ZDHHC18: variants seen among roughly 807,000 people sequenced by gnomAD.
ZDHHC18 encodes the protein palmitoyltransferase ZDHHC18.
In ZDHHC18, 23 loss-of-function variants were observed where a neutral mutation model predicts 37.5. That is an observed-to-expected ratio of 0.61 (90% CI 0.44 to 0.87). The LOEUF is 0.87. Among genes scored for constraint, ZDHHC18 ranks in the 40% least tolerant of loss-of-function variants. The probability of loss-of-function intolerance (pLI) is 0.00; values close to 1 mark genes in which losing one functional copy is unlikely to be tolerated. For missense variants in ZDHHC18, 406 were observed against 525.6 expected (o/e 0.77, Z 2.22); for synonymous variants, 185 against 218.7 (o/e 0.85, Z 1.36).
At chr1:26,836,985 A>G (rs940527116) in intron 2 of ZDHHC18, among the ~76,000 whole-genome samples, 2 of 147,240 alleles carry the variant, frequency 1.4e-5, no homozygotes, top group African/African-American at 4.9e-5. Context: ...GCAGTGGCTC[A>G]TGCCTGTAAT....
rs1302767528 is a variant in ZDHHC18 at position 26,850,546 on chromosome 1, C to T, written c.785-12C>T. 1 of 1,614,204 alleles carries T rather than the reference C, an allele frequency of 6.2e-7. No homozygotes were observed. Among genetic ancestry groups the T allele is most frequent in the South Asian group, 1.1e-5 (1 of 91,082 alleles). ...CCTCTGAGCTTGTCCTCTCCTGTTT[C>T]TTTCTCCCCAGGCGCTCAGGGAAGC... On this transcript the variant is annotated splice_polypyrimidine_tract_variant and intron_variant, in intron 4 of 7. Transcript: ENST00000374142. The surrounding 1 kb of genome is among the most constrained non-coding windows in gnomAD (Gnocchi z 6.1).
intron 7 of ZDHHC18, among the ~76,000 whole-genome samples, chr1:26,853,494 G>A (rs1322726697): frequency 1.3e-5 from 2 of 152,234 alleles, no homozygotes; most frequent in African/African-American, 2.4e-5. Context: ...AGGTGGGCCA[G>A]TTGGAATTAA....
intron 2 of ZDHHC18, among the ~76,000 whole-genome samples, chr1:26,846,272 A>ATGTG (rs1233342256): frequency 4.7e-4 from 40 of 84,956 alleles, no homozygotes; most frequent in Non-Finnish European, 5.6e-4. Flanking sequence ...ATAGAGATAT[A>ATGTG]TGTGTGTGTG....
intron 2 of ZDHHC18, among the ~76,000 whole-genome samples, chr1:26,841,033 G>A (rs1465063305): frequency 6.6e-6 from 1 of 152,114 alleles, no homozygotes; most frequent in Non-Finnish European, 1.5e-5. Context: ...CTGGAGTGCA[G>A]TGGCGTGATC....
rs371606233 is a variant in ZDHHC18, at chr1:26,853,887, G to A, written c.*44G>A. 1.6e-5 allele frequency: 24 copies of A among 1,544,350 alleles called. No homozygotes were observed. The highest frequency in any genetic ancestry group is 1.7e-4 in the Middle Eastern group (1 of 5,890). On this transcript the variant is annotated 3_prime_UTR_variant, in exon 8 of 8. Coordinates refer to ENST00000374142, the MANE Select transcript of ZDHHC18 (RefSeq NM_032283.3). ...CACCTGCTGGCCTGTCTGACCCTCC[G>A]CACTCACCTGCCGGGACCCTCCCTA...
chr1:26,844,913 GTT>G (rs969579363), intron 2 of ZDHHC18, among the ~76,000 whole-genome samples: 1 of 140,028 alleles, frequency 7.1e-6, no homozygotes, highest in African/African-American at 2.6e-5. Context: ...TCTTTACATG[GTT>G]TTTTTTTTTG....
intron 2 of ZDHHC18, among the ~76,000 whole-genome samples, chr1:26,835,162 G>A (rs1191424921): frequency 6.6e-6 from 1 of 152,180 alleles, no homozygotes; most frequent in Non-Finnish European, 1.5e-5. Context: ...GATGGGAACG[G>A]GCCACTGAGC....
chr1:26,829,958 T>G (rs1385766959), intron 1 of ZDHHC18, among the ~76,000 whole-genome samples: 1 of 152,198 alleles, frequency 6.6e-6, no homozygotes, highest in Non-Finnish European at 1.5e-5. Flanking sequence ...TGAACTGGAT[T>G]CATTGCCATG....
chr1:26,839,415 A>G (rs764820941), intron 2 of ZDHHC18, among the ~76,000 whole-genome samples: 1 of 152,218 alleles, frequency 6.6e-6, no homozygotes, highest in African/African-American at 2.4e-5. Flanking sequence ...AGGCAGGCAC[A>G]GGGTGAACAA....
At chr1:26,844,030 T>C (rs931348897) in intron 2 of ZDHHC18, among the ~76,000 whole-genome samples, 2 of 152,102 alleles carry the variant, frequency 1.3e-5, no homozygotes, top group Non-Finnish European at 2.9e-5. Context: ...TTCCTCACTT[T>C]ACACAATTTG....
chr1:26,852,907 C>G (rs758521378), intron 7 of ZDHHC18, 42 bp downstream of exon 7: 1 of 1,583,488 alleles, frequency 6.3e-7, no homozygotes, highest in Non-Finnish European at 8.7e-7. Context: ...AGGGCCATGC[C>G]TGGCCAGTGA....
Position 26,855,554 on chromosome 1 carries a change from C to T in ZDHHC18, c.*1711C>T, listed in dbSNP as rs1487815297. ...TGGGAATGGCAGCCACAGAGGGTCC[C>T]CTCTGGGAGAAACAGCTTCACCCCA... On this transcript the variant is annotated 3_prime_UTR_variant, in exon 8 of 8. Coordinates refer to ENST00000374142, the MANE Select transcript of ZDHHC18 (RefSeq NM_032283.3). The T allele has an allele frequency of 6.5e-6, 1 of 152,756 alleles. No individual in the cohort carries two copies. The highest frequency in any genetic ancestry group is 1.5e-5 in the Non-Finnish European group (1 of 68,142). The allele number at this position is 152,756 out of a possible 1,614,324, so 9.5% of individuals were successfully genotyped here. A position where few individuals can be genotyped will look rare whatever the true frequency, so the allele number is the denominator to read the frequency against.
In ZDHHC18 at chr1:26,826,705, G is replaced by A. The variant is rs999056959; in HGVS notation, c.-100G>A. 16 of 483,100 alleles carry A rather than the reference G, an allele frequency of 3.3e-5. No homozygotes were observed. In the African/African-American group the frequency reaches 3.4e-4, roughly 10 times the overall value. 29.9% of individuals were successfully genotyped at this position (483,100 alleles called of 1,614,324 possible). On this transcript the variant is annotated 5_prime_UTR_variant, in exon 1 of 8. Transcript: ENST00000374142. This position sits in a 1 kb window ranked among gnomAD's most constrained non-coding sequence, Gnocchi z 5.2. Reference sequence around the variant, plus strand: ...GCCGCCCCAGTGAGTGAGCGAGCGAGCGCCGCGCGCGCCGCCGCTGCCACC... The same window carrying A: ...GCCGCCCCAGTGAGTGAGCGAGCGAACGCCGCGCGCGCCGCCGCTGCCACC...
intron 2 of ZDHHC18, among the ~76,000 whole-genome samples, chr1:26,835,900 C>T (rs991985533): frequency 6.6e-6 from 1 of 152,152 alleles, no homozygotes; most frequent in African/African-American, 2.4e-5. Flanking sequence ...TCCAGCCCAA[C>T]AGGTCTGGCC....
chr1:26,846,120 ATATG>A (rs68042103), intron 2 of ZDHHC18, among the ~76,000 whole-genome samples: 1 of 134,166 alleles, frequency 7.5e-6, no homozygotes, highest in Non-Finnish European at 1.7e-5. Context: ...GTGTATATAT[ATATG>A]TGTGTGTATA....
chr1:26,830,872 T>G (rs1294434553), intron 1 of ZDHHC18, among the ~76,000 whole-genome samples: 1 of 152,162 alleles, frequency 6.6e-6, no homozygotes, highest in Admixed American at 6.6e-5. Flanking sequence ...AACCTCTGCC[T>G]CCCGGGTTCA....
intron 2 of ZDHHC18, among the ~76,000 whole-genome samples, chr1:26,844,695 TTA>T (rs1178715865): frequency 1.7e-4 from 26 of 152,312 alleles, no homozygotes; most frequent in African/African-American, 6.0e-4. Context: ...TTGGTATGTT[TTA>T]TTTTTTTTCA....
intron 2 of ZDHHC18, among the ~76,000 whole-genome samples, chr1:26,847,360 C>T (rs112553814): frequency 0.011 from 1,599 of 151,980 alleles, 19 homozygotes; most frequent in African/African-American, 0.036. Flanking sequence ...TATAGTCACA[C>T]GCCGTCATAC....
chr1:26,832,742 G>A (rs776874733), intron 2 of ZDHHC18, 135 bp downstream of exon 2: 71 of 1,057,484 alleles, frequency 6.7e-5, no homozygotes, highest in Middle Eastern at 3.0e-4. Context: ...GGCTGGAGCT[G>A]ACACTGGCAC....
Sources: gnomAD v4.1 joint callset for allele counts (sites outside exome capture counted in the v4.1 genomes callset) on GRCh38, gnomAD v4.1.1 for gene constraint, Gnocchi (gnomAD v3.1) non-coding constraint, MANE v1.5 for transcripts, NCBI Gene and HGNC (gene_info 2026-07-23, HGNC 2026-07-21) for gene names.